Variants in ZNF385B observed in about 807,000 individuals in gnomAD.
The protein encoded by ZNF385B is zinc finger protein 533.
Under a neutral mutation model 39.2 loss-of-function variants are expected in ZNF385B, and 23 were observed. That is an observed-to-expected ratio of 0.59 (90% CI 0.42 to 0.83). The LOEUF (loss-of-function observed/expected upper bound fraction) is 0.83. Ranked by LOEUF, ZNF385B falls within the 40% of genes least tolerant of loss-of-function variation. ZNF385B has a pLI of 0.00. For synonymous variants in ZNF385B, 205 were observed against 222.6 expected (o/e 0.92, Z 0.70); for missense variants, 552 against 598.9 (o/e 0.92, Z 0.82).
At chr2:179,530,579 A>C (rs2059193621) in intron 4 of ZNF385B, among the ~76,000 whole-genome samples, 1 of 152,234 alleles carries the variant, frequency 6.6e-6, no homozygotes, top group Admixed American at 6.5e-5. Flanking sequence ...TTCAGTAACT[A>C]ATCAGATATA....
chr2:179,503,217 G>A (rs1192222980), intron 5 of ZNF385B, among the ~76,000 whole-genome samples: 1 of 152,036 alleles, frequency 6.6e-6, no homozygotes, highest in Non-Finnish European at 1.5e-5. Flanking sequence ...TTTAATTAGT[G>A]CCCTTAAGTG....
chr2:179,707,626 C>T (rs1404067323), intron 3 of ZNF385B, among the ~76,000 whole-genome samples: 1 of 152,174 alleles, frequency 6.6e-6, no homozygotes, highest in Non-Finnish European at 1.5e-5. Context: ...AGTGTCTATC[C>T]TAAGTGCCCT....
At chr2:179,621,085 C>A (rs1259419436) in intron 3 of ZNF385B, among the ~76,000 whole-genome samples, 1 of 151,834 alleles carries the variant, frequency 6.6e-6, no homozygotes, top group Non-Finnish European at 1.5e-5. Flanking sequence ...ACAAATACTT[C>A]ATAATATATC....
chr2:179,547,518 T>C (rs940101351), intron 3 of ZNF385B, among the ~76,000 whole-genome samples: 1 of 149,366 alleles, frequency 6.7e-6, no homozygotes, highest in African/African-American at 2.5e-5. Flanking sequence ...CAAAAATGAG[T>C]TCACTGTAGA....
chr2:179,516,633 T>C (rs906662825), intron 5 of ZNF385B, among the ~76,000 whole-genome samples: 9 of 152,228 alleles, frequency 5.9e-5, no homozygotes, highest in African/African-American at 2.2e-4. Context: ...ATTATTGAGT[T>C]ATAAATTATT....
rs141858735 is a variant in ZNF385B at position 179,466,193 on chromosome 2, C to T, written c.715+17079G>A. Among the ~76,000 whole-genome samples the T allele has an allele frequency of 9.6e-3, 1,457 of 152,058 alleles. 13 individuals carry two copies. The highest frequency in any genetic ancestry group is 0.014 in the Non-Finnish European group (971 of 67,970). ...CAATTCTCTTGAGTGGATCTCCTTG[C>T]GATGTACTAGACAGGGTCATAACAA... On this transcript the variant is annotated intron_variant, in intron 6 of 9. Transcript: ENST00000410066.
intron 4 of ZNF385B, among the ~76,000 whole-genome samples, chr2:179,529,156 T>G (rs1574630525): frequency 6.6e-6 from 1 of 152,334 alleles, no homozygotes; most frequent in African/African-American, 2.4e-5. Context: ...ATTCAGGTTT[T>G]AAATGCACAC....
intron 1 of ZNF385B, among the ~76,000 whole-genome samples, chr2:179,772,696 T>C (rs897122711): frequency 6.6e-6 from 1 of 152,232 alleles, no homozygotes; most frequent in Non-Finnish European, 1.5e-5. Flanking sequence ...ACAGTGAGTT[T>C]AAATGGAAGA....
chr2:179,677,973 C>T (rs1697075697), intron 3 of ZNF385B, among the ~76,000 whole-genome samples: 1 of 152,112 alleles, frequency 6.6e-6, no homozygotes, highest in Non-Finnish European at 1.5e-5. Flanking sequence ...AACCTAGAGA[C>T]CTTGCAGAAT....
At chr2:179,784,449 T>C (rs1005062927) in intron 1 of ZNF385B, among the ~76,000 whole-genome samples, 3 of 151,882 alleles carry the variant, frequency 2.0e-5, no homozygotes, top group Non-Finnish European at 4.4e-5. Context: ...TACTTTCACA[T>C]GTACCCTCGA....
chr2:179,745,889 G>A (rs752088704), intron 3 of ZNF385B: 3 of 1,259,128 alleles, frequency 2.4e-6, no homozygotes, highest in Admixed American at 4.0e-5. Context: ...GCCGCTCCAA[G>A]CCTTCCCAGT....
At chr2:179,580,712 G>A (rs1686401659) in intron 3 of ZNF385B, among the ~76,000 whole-genome samples, 1 of 152,312 alleles carries the variant, frequency 6.6e-6, no homozygotes, top group South Asian at 2.1e-4. Flanking sequence ...AAACTGAATT[G>A]CCTGAAGACT....
chr2:179,858,042 CA>C (rs1253459662), intron 1 of ZNF385B, among the ~76,000 whole-genome samples: 1 of 152,062 alleles, frequency 6.6e-6, no homozygotes, highest in Non-Finnish European at 1.5e-5. Flanking sequence ...TTATTCTGCA[CA>C]ACCAAGTGTG....
chr2:179,856,616 A>C (rs79797911), intron 1 of ZNF385B, among the ~76,000 whole-genome samples: 1 of 104,296 alleles, frequency 9.6e-6, no homozygotes, highest in Non-Finnish European at 2.0e-5. Flanking sequence ...AAACAGAGAC[A>C]GCAGAGACAA....
chr2:179,817,665 C>CTGTGTGTGTG (rs3085981), intron 1 of ZNF385B, among the ~76,000 whole-genome samples: 1 of 149,540 alleles, frequency 6.7e-6, no homozygotes, highest in East Asian at 2.0e-4. Flanking sequence ...GTGTAACCCT[C>CTGTGTGTGTG]TGTGTGTGTG....
At chr2:179,631,497 C>T (rs1691211206) in intron 3 of ZNF385B, among the ~76,000 whole-genome samples, 1 of 152,088 alleles carries the variant, frequency 6.6e-6, no homozygotes, top group East Asian at 1.9e-4. Flanking sequence ...ACCAGGCCTG[C>T]CTTACAAGAG....
chr2:179,675,925 T>G (rs1272157571), intron 3 of ZNF385B, among the ~76,000 whole-genome samples: 1 of 143,764 alleles, frequency 7.0e-6, no homozygotes, highest in African/African-American at 2.6e-5. Flanking sequence ...GTAGCTGGGG[T>G]TACAGGCGCC....
At chr2:179,533,196 T>A (rs916563668) in intron 4 of ZNF385B, among the ~76,000 whole-genome samples, 3 of 152,098 alleles carry the variant, frequency 2.0e-5, no homozygotes, top group Non-Finnish European at 4.4e-5. Flanking sequence ...CTGAAAACAA[T>A]GGAAGGTCTG....
chr2:179,550,016 A>G (rs1285379416), intron 3 of ZNF385B, among the ~76,000 whole-genome samples: 1 of 149,576 alleles, frequency 6.7e-6, no homozygotes. Flanking sequence ...AAGATGATGT[A>G]TTATATAAAT....
Sources: gnomAD v4.1 joint callset for allele counts (sites outside exome capture counted in the v4.1 genomes callset) on GRCh38, gnomAD v4.1.1 for gene constraint, MANE v1.5 for transcripts, NCBI Gene and HGNC (gene_info 2026-07-23, HGNC 2026-07-21) for gene names.